WRN: variants seen among roughly 807,000 people sequenced by gnomAD.
The protein encoded by WRN is WRN RecQ like helicase.
WRN carries 149 observed loss-of-function variants against 180.7 expected under a neutral mutation model. The ratio of observed to expected loss-of-function variants is 0.82; its 90% CI spans 0.72 to 0.94. The LOEUF is 0.94. WRN is among the 40% of genes least tolerant of loss of function. The pLI is 0.00. For synonymous variants in WRN, 548 were observed against 568.9 expected (o/e 0.96, Z 0.52); for missense variants, 1,661 against 1,700.1 (o/e 0.98, Z 0.40).
At chr8:31,037,596 CT>C (rs1277795578) in intron 1 of WRN, among the ~76,000 whole-genome samples, 1 of 152,158 alleles carries the variant, frequency 6.6e-6, no homozygotes, top group Non-Finnish European at 1.5e-5. Context: ...TACTTTCATT[CT>C]TTTGCATATG....
intron 18 of WRN, among the ~76,000 whole-genome samples, chr8:31,109,035 T>TA (rs1447612692): frequency 2.0e-5 from 3 of 152,182 alleles, no homozygotes; most frequent in African/African-American, 7.2e-5. Context: ...GTTGCTGAAA[T>TA]ACAAAATTAA....
chr8:31,139,847 T>C (rs1056024204), intron 24 of WRN, among the ~76,000 whole-genome samples: 1 of 152,134 alleles, frequency 6.6e-6, no homozygotes, highest in Non-Finnish European at 1.5e-5. Flanking sequence ...AAAGGGAGTT[T>C]GAGAACTAGT....
At chr8:31,139,999 CTTTGTT>C (rs1802548564) in intron 24 of WRN, among the ~76,000 whole-genome samples, 1 of 74,692 alleles carries the variant, frequency 1.3e-5, no homozygotes. Flanking sequence ...TTGTATACTT[CTTTGTT>C]TTTTTTTTTT....
intron 21 of WRN, among the ~76,000 whole-genome samples, chr8:31,121,656 T>A (rs189878482): frequency 5.3e-5 from 8 of 152,100 alleles, no homozygotes; most frequent in Admixed American, 4.6e-4. Context: ...TGTGTGGTAT[T>A]TCCCAAGTTA....
intron 20 of WRN, among the ~76,000 whole-genome samples, chr8:31,118,571 A>G (rs1270486288): frequency 6.6e-6 from 1 of 151,940 alleles, no homozygotes. Context: ...AGAATTCTAG[A>G]TATTCACTTT....
At chr8:31,100,402 T>C (rs944267086) in intron 17 of WRN, among the ~76,000 whole-genome samples, 1 of 152,226 alleles carries the variant, frequency 6.6e-6, no homozygotes, top group Non-Finnish European at 1.5e-5. Context: ...CTTTGCAATA[T>C]GATATGTGAT....
intron 3 of WRN, among the ~76,000 whole-genome samples, chr8:31,059,569 T>C (rs1322817656): frequency 6.6e-6 from 1 of 152,212 alleles, no homozygotes; most frequent in Non-Finnish European, 1.5e-5. Flanking sequence ...TAAGATGTTA[T>C]ATATAGAGCT....
Position 31,084,218 on chromosome 8 carries a change from C to T in WRN, c.1350+439C>T, listed in dbSNP as rs1554984. 5.1e-3 allele frequency among the ~76,000 whole-genome samples: 780 copies of T among 152,168 alleles called. 4 individuals are homozygous for T. The highest frequency in any genetic ancestry group is 0.017 in the African/African-American group (709 of 41,524). On this transcript the variant is annotated intron_variant, in intron 10 of 34. Transcript: ENST00000298139. ...CTCACCATGTTGTCCTTGCTGGTCTCGAACTCTTTACCTCAAGTAATCCAC... is the reference window on the plus strand; with the variant it reads ...CTCACCATGTTGTCCTTGCTGGTCTTGAACTCTTTACCTCAAGTAATCCAC...
rs1373082609 is a variant in WRN, at chr8:31,175,251, A to G, written c.*2149A>G. On this transcript the variant is annotated 3_prime_UTR_variant, in exon 35 of 35. Transcript: ENST00000298139. ...GGAGATCGAGACCACCCTGGCCAAC[A>G]TGGTGAAACCCCGTCTCTACTAAAA... 2.0e-5 allele frequency among the ~76,000 whole-genome samples: 3 copies of G among 152,066 alleles called. No homozygotes were observed. Among genetic ancestry groups the G allele is most frequent in the Admixed American group, 6.6e-5 (1 of 15,258 alleles).
At chr8:31,047,781 G>A (rs1811926623) in intron 1 of WRN, among the ~76,000 whole-genome samples, 1 of 152,166 alleles carries the variant, frequency 6.6e-6, no homozygotes, top group African/African-American at 2.4e-5. Flanking sequence ...GTTTATAATG[G>A]TTGATTTCAG....
chr8:31,148,168 G>A lies in WRN; in HGVS notation c.3572+692G>A, dbSNP rs565802462. Among the ~76,000 whole-genome samples, 3 of 152,234 alleles carry A rather than the reference G, an allele frequency of 2.0e-5. No homozygotes were observed. In the South Asian group the frequency reaches 6.2e-4, roughly 32 times the overall value. ...TCCAAAGTTCTGGCACTACAGGTGT[G>A]AGCCACTGTGCCTGGCCTCTTTTTC... On this transcript the variant is annotated intron_variant, in intron 30 of 34. Coordinates refer to ENST00000298139, the MANE Select transcript of WRN (RefSeq NM_000553.6).
chr8:31,096,734 T>C, intron 16 of WRN, 34 bp from the exon 17 acceptor site: 1 of 1,523,184 alleles, frequency 6.6e-7, no homozygotes, highest in African/African-American at 1.4e-5. Context: ...TCCTGTTTTT[T>C]TTTTTTTCTT....
chr8:31,141,607 G>C lies in WRN; in HGVS notation c.3138+7G>C. 1.2e-6 allele frequency: 2 copies of C among 1,613,682 alleles called. No individual in the cohort carries two copies. ...TTGCGCCCTTACGAAAAAGGTAAAC[G>C]GTGTAGGAGTCTGCCTGTTTGACTT... On this transcript the variant is annotated splice_region_variant and intron_variant, in intron 25 of 34. Coordinates refer to ENST00000298139, the MANE Select transcript of WRN (RefSeq NM_000553.6).
chr8:31,169,966 A>G (rs577244387), intron 34 of WRN, among the ~76,000 whole-genome samples: 146 of 152,102 alleles, frequency 9.6e-4, no homozygotes, highest in African/African-American at 3.4e-3. Context: ...CCATTTTCAG[A>G]TGCTATTATC....
At chr8:31,168,447 T>G (rs1803982053) in intron 34 of WRN, among the ~76,000 whole-genome samples, 1 of 151,182 alleles carries the variant, frequency 6.6e-6, no homozygotes, top group African/African-American at 2.4e-5. Flanking sequence ...TTTTTGCTTT[T>G]TCCCTATTTC....
intron 7 of WRN, among the ~76,000 whole-genome samples, chr8:31,069,965 A>G (rs552245380): frequency 5.3e-5 from 8 of 152,116 alleles, no homozygotes; most frequent in Non-Finnish European, 1.2e-4. Flanking sequence ...CTAAAGTAAC[A>G]TATATTAATA....
chr8:31,139,218 A>T (rs1234591543), intron 24 of WRN, among the ~76,000 whole-genome samples: 3 of 152,148 alleles, frequency 2.0e-5, no homozygotes, highest in Non-Finnish European at 4.4e-5. Flanking sequence ...GCCTTAGTTA[A>T]GTTTGCTGCA....
chr8:31,123,617 T>G (rs1209073030), intron 21 of WRN, among the ~76,000 whole-genome samples: 1 of 152,142 alleles, frequency 6.6e-6, no homozygotes, highest in African/African-American at 2.4e-5. Context: ...GTCAGAAGGT[T>G]GAATAGTCAA....
chr8:31,094,736 T>C (rs563360720), intron 16 of WRN, among the ~76,000 whole-genome samples: 2 of 152,318 alleles, frequency 1.3e-5, no homozygotes, highest in Non-Finnish European at 1.5e-5. Flanking sequence ...AATTAACTTA[T>C]ACATTATATG....
Sources: gnomAD v4.1 joint callset for allele counts (sites outside exome capture counted in the v4.1 genomes callset) on GRCh38, gnomAD v4.1.1 for gene constraint, MANE v1.5 for transcripts, NCBI Gene and HGNC (gene_info 2026-07-23, HGNC 2026-07-21) for gene names.